The following PRKCZ variants were observed in gnomAD, a reference collection of about 807,000 sequenced individuals.
PRKCZ encodes protein kinase C zeta, also known as protein kinase C zeta type.
Under a neutral mutation model 79.5 loss-of-function variants are expected in PRKCZ, and 33 were observed. The ratio of observed to expected loss-of-function variants is 0.41; its 90% CI spans 0.31 to 0.55. The LOEUF (loss-of-function observed/expected upper bound fraction) is 0.55, where lower values mean the gene tolerates loss of function less well. Ranked by LOEUF, PRKCZ falls within the 20% of genes least tolerant of loss-of-function variation. The probability of loss-of-function intolerance (pLI) is 0.19; values close to 1 mark genes in which losing one functional copy is unlikely to be tolerated. For synonymous variants in PRKCZ, 342 were observed against 320.9 expected (o/e 1.07, Z -0.70); for missense variants, 578 against 813.5 (o/e 0.71, Z 3.52).
At chr1:2,115,514 A>G (rs1670585201) in intron 4 of PRKCZ, among the ~76,000 whole-genome samples, 1 of 152,152 alleles carries the variant, frequency 6.6e-6, no homozygotes, top group Non-Finnish European at 1.5e-5. Context: ...CTGTGTTTCC[A>G]TTCAGCTCTG....
At chr1:2,096,704 G>A (rs751400391) in intron 4 of PRKCZ, among the ~76,000 whole-genome samples, 6 of 152,124 alleles carry the variant, frequency 3.9e-5, no homozygotes, top group East Asian at 1.9e-4. Context: ...GGAGCTGAGC[G>A]GTCCGAATCA....
chr1:2,184,757 G>A (rs1033256695), intron 17 of PRKCZ, 59 bp downstream of exon 17: 26 of 1,510,004 alleles, frequency 1.7e-5, no homozygotes, highest in South Asian at 5.9e-5. Context: ...ATGGCAGGCC[G>A]GCACCTTGGG....
intron 4 of PRKCZ, among the ~76,000 whole-genome samples, chr1:2,120,517 GGTCTGGA>G (rs1671685514): frequency 6.6e-6 from 1 of 151,706 alleles, no homozygotes; most frequent in Admixed American, 6.6e-5. Flanking sequence ...TGACCAGGCT[GGTCTGGA>G]ACTCCTGATC....
At chr1:2,106,679 GTAA>G (rs1668553176) in intron 4 of PRKCZ, among the ~76,000 whole-genome samples, 3 of 107,000 alleles carry the variant, frequency 2.8e-5, no homozygotes, top group African/African-American at 8.3e-5. Flanking sequence ...ACCAGGCCAG[GTAA>G]CTCTCAGCAA....
intron 10 of PRKCZ, chr1:2,156,561 T>C (rs568823020): frequency 4.0e-4 from 77 of 194,884 alleles, no homozygotes; most frequent in African/African-American, 1.7e-3. Context: ...TGAAGAGTTA[T>C]TAAGTATGTT....
chr1:2,074,131 C>T (rs1661944398), intron 4 of PRKCZ: 1 of 1,534,390 alleles, frequency 6.5e-7, no homozygotes, highest in Non-Finnish European at 8.8e-7. Flanking sequence ...CGTGCGGCTG[C>T]AGCAGCTCCC....
At chr1:2,170,098 C>G (rs1684127629) in intron 11 of PRKCZ, among the ~76,000 whole-genome samples, 1 of 152,160 alleles carries the variant, frequency 6.6e-6, no homozygotes. Flanking sequence ...TGCCCTGGTT[C>G]TGCTCTTCAC....
intron 4 of PRKCZ, among the ~76,000 whole-genome samples, chr1:2,088,278 C>T (rs1664885592): frequency 6.6e-6 from 1 of 152,134 alleles, no homozygotes; most frequent in Non-Finnish European, 1.5e-5. Context: ...CTCCCTCCCC[C>T]TTGCCTGGAT....
rs574689125 is a variant in PRKCZ at position 2,125,966 on chromosome 1, C to T, written c.335-9296C>T. Among the ~76,000 whole-genome samples the T allele has an allele frequency of 6.0e-4, 92 of 152,318 alleles. No individual in the cohort carries two copies. Among genetic ancestry groups the T allele is most frequent in the African/African-American group, 2.1e-3 (86 of 41,576 alleles). On this transcript the variant is annotated intron_variant, in intron 4 of 17. Transcript: ENST00000378567. This position sits in a 1 kb window ranked among gnomAD's most constrained non-coding sequence, Gnocchi z 4.2. The stretch of plus-strand genomic sequence containing the variant: ...TTGGCCACTGTGGGAGAGAGTCGGG[C>T]AGCTGAATTCCCGCAGGTGGGAATG...
intron 4 of PRKCZ, among the ~76,000 whole-genome samples, chr1:2,088,901 T>C (rs1225568851): frequency 5.3e-5 from 8 of 152,240 alleles, no homozygotes; most frequent in Non-Finnish European, 1.0e-4. Flanking sequence ...CTCAAATTGC[T>C]CTTGCTTGTA....
chr1:2,092,782 G>A lies in PRKCZ; in HGVS notation c.334+33191G>A, dbSNP rs543439802. ...GGCCCTGGTCTTCACTGTGAGCAGG[G>A]AGGGCCCTTGGGACAGGGCTCGGGA... On this transcript the variant is annotated intron_variant, in intron 4 of 17. Transcript: ENST00000378567. 2.0e-5 allele frequency among the ~76,000 whole-genome samples: 3 copies of A among 152,306 alleles called. No homozygotes were observed. The East Asian group carries it at 5.8e-4, about 29-fold the overall frequency.
At chr1:2,085,690 G>T (rs1463953924) in intron 4 of PRKCZ, among the ~76,000 whole-genome samples, 3 of 138,664 alleles carry the variant, frequency 2.2e-5, no homozygotes, top group Non-Finnish European at 3.2e-5. Context: ...CGTGCTGGAG[G>T]GGCTGAGGAC....
At chr1:2,107,736 C>T (rs369320075) in intron 4 of PRKCZ, among the ~76,000 whole-genome samples, 15 of 152,332 alleles carry the variant, frequency 9.8e-5, no homozygotes, top group South Asian at 4.1e-4. Context: ...TGTGCCTCTC[C>T]GGCCCTTCGG....
rs905807546 is a variant in PRKCZ, at chr1:2,174,177, C to G, written c.1405+161C>G. Among the ~76,000 whole-genome samples, 1 of 152,206 alleles carries G rather than the reference C, an allele frequency of 6.6e-6. No individual in the cohort carries two copies. The highest frequency in any genetic ancestry group is 2.4e-5 in the African/African-American group (1 of 41,446). On this transcript the variant is annotated intron_variant, in intron 14 of 17. Transcript: ENST00000378567. The surrounding 1 kb of genome is among the most constrained non-coding windows in gnomAD (Gnocchi z 6.2). ...TGGCCAGACCCTGTGTCACATGCCACTCCCCGGGCCGTGGGGTGGGGTTAC... is the reference window on the plus strand; with the variant it reads ...TGGCCAGACCCTGTGTCACATGCCAGTCCCCGGGCCGTGGGGTGGGGTTAC...
chr1:2,130,811 G>A (rs937413339), intron 4 of PRKCZ, among the ~76,000 whole-genome samples: 2 of 151,974 alleles, frequency 1.3e-5, no homozygotes, highest in Non-Finnish European at 2.9e-5. Flanking sequence ...TTGACCAGCC[G>A]TCTGGGCACC....
At position 2,165,703 on chromosome 1, in the gene PRKCZ, A is replaced by C. The variant is rs185448054; in HGVS notation, c.975-3815A>C. Among the ~76,000 whole-genome samples, 188 of 152,224 alleles carry C rather than the reference A, an allele frequency of 1.2e-3. No homozygotes were observed. Among genetic ancestry groups the C allele is most frequent in the African/African-American group, 4.2e-3 (175 of 41,554 alleles). ...TTCCACCAGAACTTTCTGTACACAC[A>C]TGGTGGTGGCCCGCCCGGACCCATC... On this transcript the variant is annotated intron_variant, in intron 10 of 17. Transcript: ENST00000378567. The surrounding 1 kb of genome is among the most constrained non-coding windows in gnomAD (Gnocchi z 4.1).
intron 4 of PRKCZ, among the ~76,000 whole-genome samples, chr1:2,087,157 A>G (rs960989086): frequency 6.6e-6 from 1 of 151,998 alleles, no homozygotes; most frequent in African/African-American, 2.4e-5. Context: ...ATCTCAGCTC[A>G]CTGTAACCAC....
intron 4 of PRKCZ, among the ~76,000 whole-genome samples, chr1:2,114,814 A>T (rs1670423537): frequency 1.3e-5 from 2 of 152,230 alleles, no homozygotes; most frequent in South Asian, 4.1e-4. Context: ...AAGATGCAGC[A>T]GGTGGAGCCG....
At position 2,178,944 on chromosome 1, in the gene PRKCZ, T is replaced by G. The variant is rs1686006317; in HGVS notation, c.1575+3631T>G. Among the ~76,000 whole-genome samples the G allele has an allele frequency of 6.6e-6, 1 of 152,132 alleles. No homozygotes were observed. Among genetic ancestry groups the G allele is most frequent in the South Asian group, 2.1e-4 (1 of 4,824 alleles). ...AGTCACCCCAAAGCCGCCCCCTCCT[T>G]GCCTATCCCCAGCTGAACCAGCACC... On this transcript the variant is annotated intron_variant, in intron 16 of 17. Coordinates refer to ENST00000378567, the MANE Select transcript of PRKCZ (RefSeq NM_002744.6). This position sits in a 1 kb window ranked among gnomAD's most constrained non-coding sequence, Gnocchi z 4.3.
Sources: gnomAD v4.1 joint callset for allele counts (sites outside exome capture counted in the v4.1 genomes callset) on GRCh38, gnomAD v4.1.1 for gene constraint, Gnocchi (gnomAD v3.1) non-coding constraint, MANE v1.5 for transcripts, NCBI Gene and HGNC (gene_info 2026-07-23, HGNC 2026-07-21) for gene names.